The following SGCD variants were observed in gnomAD, a reference collection of about 807,000 sequenced individuals.
SGCD encodes sarcoglycan delta.
Under a neutral mutation model 36.6 loss-of-function variants are expected in SGCD, and 18 were observed. That is an observed-to-expected ratio of 0.49 (90% CI 0.34 to 0.73). The LOEUF is 0.73. SGCD is among the 30% of genes least tolerant of loss of function. SGCD has a pLI of 0.01. For missense variants in SGCD, 387 were observed against 346.7 expected, an observed-to-expected ratio of 1.12 and a Z score of -0.92; for synonymous variants, 133 against 130.6, an observed-to-expected ratio of 1.02 and a Z score of -0.12.
intron 1 of SGCD, among the ~76,000 whole-genome samples, chr5:156,023,602 T>G (rs147866802): frequency 6.0e-4 from 91 of 152,320 alleles, no homozygotes; most frequent in Non-Finnish European, 1.1e-3. Context: ...TAACTTAGAA[T>G]GTGAGTTTGA....
At chr5:156,678,570 G>C (rs1753602314) in intron 7 of SGCD, among the ~76,000 whole-genome samples, 1 of 152,104 alleles carries the variant, frequency 6.6e-6, no homozygotes, top group South Asian at 2.1e-4. Flanking sequence ...ATTAATCTCT[G>C]ATCTTGGCAC....
At chr5:155,963,105 G>C (rs1240346879) in intron 1 of SGCD, among the ~76,000 whole-genome samples, 2 of 152,156 alleles carry the variant, frequency 1.3e-5, no homozygotes, top group East Asian at 1.9e-4. Context: ...AAGGTTTTCT[G>C]TCACCATGGG....
chr5:156,737,730 G>T lies in SGCD; in HGVS notation c.576-19851G>T, dbSNP rs146742369. Among the ~76,000 whole-genome samples the T allele has an allele frequency of 1.7e-3, 255 of 152,258 alleles. 1 individual carries two copies. The highest frequency in any genetic ancestry group is 5.8e-3 in the African/African-American group (242 of 41,556). ...GAGATCTCTTACATTATAATCATAT[G>T]GCAGGCAGTATACTTACATTGACTA... On this transcript the variant is annotated intron_variant, in intron 7 of 8. Coordinates refer to ENST00000337851, the MANE Select transcript of SGCD (RefSeq NM_000337.6).
At chr5:156,632,130 C>T (rs1465038757) in intron 6 of SGCD, among the ~76,000 whole-genome samples, 2 of 152,158 alleles carry the variant, frequency 1.3e-5, no homozygotes, top group African/African-American at 2.4e-5. Context: ...GACATTATCT[C>T]AGAAGGAGAG....
intron 4 of SGCD, among the ~76,000 whole-genome samples, chr5:156,575,185 G>A (rs1028827926): frequency 7.2e-5 from 11 of 152,152 alleles, no homozygotes; most frequent in African/African-American, 1.7e-4. Context: ...TGTGAAAAGC[G>A]TATCTTAATC....
chr5:156,068,409 G>A (rs1470499985), intron 1 of SGCD, among the ~76,000 whole-genome samples: 2 of 152,016 alleles, frequency 1.3e-5, no homozygotes, highest in African/African-American at 4.8e-5. Context: ...TACTGAGAAT[G>A]ATGATTTCCA....
At chr5:156,576,075 GC>G (rs1239311167) in intron 4 of SGCD, among the ~76,000 whole-genome samples, 2 of 149,312 alleles carry the variant, frequency 1.3e-5, no homozygotes, top group African/African-American at 2.5e-5. Flanking sequence ...TCCTCCCCCT[GC>G]CCCCCACCCC....
At chr5:155,754,571 C>A in the SGCD span, among the ~76,000 whole-genome samples, 2 of 152,148 alleles carry the variant, frequency 1.3e-5, no homozygotes, top group South Asian at 4.1e-4. Context: ...CAACAATTAC[C>A]CAGATAATCA....
intron 3 of SGCD, among the ~76,000 whole-genome samples, chr5:156,266,066 T>A (rs922427524): frequency 2.0e-5 from 3 of 152,226 alleles, no homozygotes; most frequent in African/African-American, 7.2e-5. Context: ...AAAAGACAAC[T>A]GAATGTTAGT....
intron 3 of SGCD, among the ~76,000 whole-genome samples, chr5:156,189,999 G>A (rs1763851443): frequency 6.6e-6 from 1 of 152,070 alleles, no homozygotes; most frequent in Admixed American, 6.6e-5. Flanking sequence ...TCTGCAATCT[G>A]GATAAACCTA....
At position 156,767,483 on chromosome 5, in the gene SGCD, T is replaced by G. The variant is rs1168230547; in HGVS notation, c.*8093T>G. ...GGAAGTCCCATTTGCTTGGAGATTT[T>G]GAAAAAAAAAAAAAAAAAAAACCCA... On this transcript the variant is annotated 3_prime_UTR_variant, in exon 9 of 9. Coordinates refer to ENST00000337851, the MANE Select transcript of SGCD (RefSeq NM_000337.6). The G allele has an allele frequency of 1.7e-5, 2 of 115,734 alleles. No homozygotes were observed. The highest frequency in any genetic ancestry group is 1.7e-5 in the Non-Finnish European group (1 of 58,074). 7.2% of individuals were successfully genotyped at this position (115,734 alleles called of 1,614,324 possible). A position where few individuals can be genotyped will look rare whatever the true frequency, so the allele number is the denominator to read the frequency against.
intron 3 of SGCD, among the ~76,000 whole-genome samples, chr5:156,299,863 A>C (rs1321906273): frequency 6.6e-6 from 1 of 152,120 alleles, no homozygotes; most frequent in Non-Finnish European, 1.5e-5. Context: ...TCCAAATGTA[A>C]GATCATATAA....
At chr5:156,588,988 TTGTGTGTG>T (rs113243314) in intron 4 of SGCD, among the ~76,000 whole-genome samples, 18 of 143,150 alleles carry the variant, frequency 1.3e-4, no homozygotes, top group South Asian at 4.5e-4. Context: ...GGAATCTATA[TTGTGTGTG>T]TGTGTGTGTG....
chr5:155,795,665 G>T, the SGCD span, among the ~76,000 whole-genome samples: 1 of 152,018 alleles, frequency 6.6e-6, no homozygotes, highest in Admixed American at 6.6e-5. Flanking sequence ...TAATCTCATA[G>T]AAAATGTATC....
At chr5:155,828,710 A>G in the SGCD span, among the ~76,000 whole-genome samples, 1 of 151,546 alleles carries the variant, frequency 6.6e-6, no homozygotes, top group African/African-American at 2.4e-5. Flanking sequence ...TTTTTGAGAC[A>G]GAGTCTTGCT....
At chr5:156,171,422 T>C (rs1294327253) in intron 3 of SGCD, among the ~76,000 whole-genome samples, 1 of 152,226 alleles carries the variant, frequency 6.6e-6, no homozygotes, top group East Asian at 1.9e-4. Flanking sequence ...AACAGCTACA[T>C]TTTTTAATTA....
chr5:156,524,890 G>A lies in SGCD; in HGVS notation c.294+16188G>A, dbSNP rs150533292. On this transcript the variant is annotated intron_variant, in intron 4 of 8. Coordinates refer to ENST00000337851, the MANE Select transcript of SGCD (RefSeq NM_000337.6). The stretch of plus-strand genomic sequence containing the variant: ...CTTAATGTTCTCCAGGTTCATCCAC[G>A]TTGTTAAAAATGACAAGATTTCTTC... 6.7e-3 allele frequency among the ~76,000 whole-genome samples: 1,017 copies of A among 152,120 alleles called. 8 individuals are homozygous for A. The highest frequency in any genetic ancestry group is 0.018 in the African/African-American group (739 of 41,510).
At chr5:156,327,655 T>C (rs1019149624) in intron 1 of SGCD, among the ~76,000 whole-genome samples, 3 of 152,240 alleles carry the variant, frequency 2.0e-5, no homozygotes, top group Non-Finnish European at 2.9e-5. Flanking sequence ...TTTGTTGTTG[T>C]TGTTTTTTAA....
chr5:156,455,650 G>A (rs1324508318), intron 3 of SGCD, among the ~76,000 whole-genome samples: 1 of 151,990 alleles, frequency 6.6e-6, no homozygotes, highest in Non-Finnish European at 1.5e-5. Flanking sequence ...TGAAACACTG[G>A]GGAACCAGCA....
Sources: allele counts gnomAD v4.1 joint callset (sites outside exome capture counted in the v4.1 genomes callset), GRCh38; gene constraint gnomAD v4.1.1; transcripts MANE v1.5; gene names NCBI Gene and HGNC (gene_info 2026-07-23, HGNC 2026-07-21).